Variants in CUL1 observed in about 807,000 individuals in gnomAD.
The protein encoded by CUL1 is cullin 1.
A neutral mutation model predicts 118.0 loss-of-function variants in CUL1; 24 were observed. The ratio of observed to expected loss-of-function variants is 0.20; its 90% confidence interval spans 0.15 to 0.29. The LOEUF is 0.29. Among genes scored for constraint, CUL1 ranks in the 10% least tolerant of loss-of-function variants. The pLI, the probability that CUL1 is intolerant of heterozygous loss-of-function variation, is 1.00. For synonymous variants in CUL1, 332 were observed against 340.4 expected (o/e 0.98, Z 0.27); for missense variants, 361 against 933.8 (o/e 0.39, Z 7.99).
intron 1 of CUL1, among the ~76,000 whole-genome samples, chr7:148,712,851 C>T (rs950438177): frequency 1.3e-5 from 2 of 152,106 alleles, no homozygotes; most frequent in Non-Finnish European, 2.9e-5. Context: ...TCCATATTAG[C>T]TGTTTGCAAT....
chr7:148,776,989 G>A (rs1800423370), intron 9 of CUL1, among the ~76,000 whole-genome samples: 1 of 152,192 alleles, frequency 6.6e-6, no homozygotes, highest in African/African-American at 2.4e-5. Flanking sequence ...TCTTAGTTCT[G>A]CTTTCAAAGT....
intron 1 of CUL1, among the ~76,000 whole-genome samples, chr7:148,725,495 C>T (rs1038560031): frequency 1.3e-5 from 2 of 152,200 alleles, no homozygotes; most frequent in African/African-American, 4.8e-5. Context: ...TTACAGAGTT[C>T]CCTGCCAGGG....
At chr7:148,721,874 TTG>T in intron 1 of CUL1, among the ~76,000 whole-genome samples, 1 of 152,308 alleles carries the variant, frequency 6.6e-6, no homozygotes, top group East Asian at 1.9e-4. Context: ...CCAGGTTTGT[TTG>T]TGTTTTGCTA....
chr7:148,730,298 G>GT, intron 2 of CUL1, 36 bp downstream of exon 2: 1 of 1,568,642 alleles, frequency 6.4e-7, no homozygotes, highest in Non-Finnish European at 8.7e-7. Flanking sequence ...ATTGCTTAGA[G>GT]TTTTGATTAT....
chr7:148,735,519 G>T (rs1338684008), intron 2 of CUL1, among the ~76,000 whole-genome samples: 2 of 152,202 alleles, frequency 1.3e-5, no homozygotes, highest in East Asian at 1.9e-4. Context: ...AAATTTCAAA[G>T]AACAGCAGAT....
chr7:148,707,497 AAAT>A (rs1156254844), intron 1 of CUL1, among the ~76,000 whole-genome samples: 29 of 152,254 alleles, frequency 1.9e-4, no homozygotes, highest in African/African-American at 5.1e-4. Context: ...TTATTTTTTT[AAAT>A]AATAATTTTT....
rs997127207 is a variant in CUL1 at position 148,792,601 on chromosome 7, T to A, written c.1807-125T>A. The A allele has an allele frequency of 1.0e-5, 6 of 579,406 alleles. No homozygotes were observed. The Admixed American group carries it at 2.1e-4, about 21-fold the overall frequency. 35.9% of individuals were successfully genotyped at this position (579,406 alleles called of 1,614,324 possible). A position where few individuals can be genotyped will look rare whatever the true frequency, so the allele number is the denominator to read the frequency against. ...TTCCCTTTTAAATAGATCTGTGCTT[T>A]TTTTGTACTTGTTTAAAGAATTTGT... On this transcript the variant is annotated intron_variant, in intron 16 of 21. Coordinates refer to ENST00000325222, the MANE Select transcript of CUL1 (RefSeq NM_003592.3).
intron 2 of CUL1, among the ~76,000 whole-genome samples, chr7:148,749,009 T>C (rs1231670935): frequency 6.6e-6 from 1 of 152,220 alleles, no homozygotes; most frequent in Non-Finnish European, 1.5e-5. Context: ...TATAGGTTTT[T>C]CCTATACTTT....
chr7:148,739,990 T>C (rs1166649318), intron 2 of CUL1, among the ~76,000 whole-genome samples: 1 of 152,192 alleles, frequency 6.6e-6, no homozygotes, highest in Admixed American at 6.5e-5. Context: ...CTCAATGGAC[T>C]GTCAACTTCT....
In CUL1 at chr7:148,787,355, G is replaced by A. The variant is rs1404727109; in HGVS notation, c.1479+235G>A. On this transcript the variant is annotated intron_variant, in intron 13 of 21. Coordinates refer to ENST00000325222, the MANE Select transcript of CUL1 (RefSeq NM_003592.3). The surrounding 1 kb of genome is among the most constrained non-coding windows in gnomAD (Gnocchi z 5.5). ...TGGGCGCCTGTAGTCCCAGCTACTTGGGAGGCTGAGGCAGGAGAATGGCAT... is the reference window on the plus strand; with the variant it reads ...TGGGCGCCTGTAGTCCCAGCTACTTAGGAGGCTGAGGCAGGAGAATGGCAT... Among the ~76,000 whole-genome samples, 1 of 152,074 alleles carries A rather than the reference G, an allele frequency of 6.6e-6. No homozygotes were observed. Among genetic ancestry groups the A allele is most frequent in the South Asian group, 2.1e-4 (1 of 4,824 alleles).
At chr7:148,717,192 G>T (rs1019888655) in intron 1 of CUL1, among the ~76,000 whole-genome samples, 1 of 152,078 alleles carries the variant, frequency 6.6e-6, no homozygotes, top group Non-Finnish European at 1.5e-5. Context: ...GGGTAGCTGG[G>T]ATTACAGCCA....
intron 7 of CUL1, among the ~76,000 whole-genome samples, chr7:148,762,642 T>C (rs749874023): frequency 3.0e-4 from 45 of 152,344 alleles, no homozygotes; most frequent in Non-Finnish European, 4.9e-4. Context: ...CTGTATATGG[T>C]GATTCTTTTA....
chr7:148,787,042 G>A lies in CUL1; in HGVS notation c.1401G>A (p.Ala467=), dbSNP rs770017836. 1.1e-5 allele frequency: 17 copies of A among 1,613,514 alleles called. No individual in the cohort carries two copies. Among genetic ancestry groups the A allele is most frequent in the Middle Eastern group, 1.6e-4 (1 of 6,078 alleles). The change falls in exon 13 of 22, where the codon GCG becomes GCA. Residue 467 remains alanine (A), a synonymous_variant. Coordinates refer to ENST00000325222, the MANE Select transcript of CUL1 (RefSeq NM_003592.3). The surrounding 1 kb of genome is among the most constrained non-coding windows in gnomAD (Gnocchi z 5.5). ...EDKDVFQKFY[A]KMLAKRLVHQ... is the part of the protein sequence containing the mutation. Reference sequence around the variant, plus strand: ...AAGACGTATTTCAGAAGTTCTATGCGAAGATGCTCGCCAAGAGGCTCGTCC... The same window carrying A: ...AAGACGTATTTCAGAAGTTCTATGCAAAGATGCTCGCCAAGAGGCTCGTCC...
chr7:148,788,851 G>A (rs1467563637), intron 14 of CUL1, among the ~76,000 whole-genome samples, 177 bp downstream of exon 14: 1 of 152,216 alleles, frequency 6.6e-6, no homozygotes, highest in Non-Finnish European at 1.5e-5. Flanking sequence ...TGTGACATTA[G>A]GAGATGACAA....
rs762321000 is a variant in CUL1 at position 148,792,679 on chromosome 7, T to C, written c.1807-47T>C. 2.9e-6 allele frequency: 4 copies of C among 1,381,714 alleles called. No individual in the cohort carries two copies. The East Asian group carries it at 7.1e-5, about 25-fold the overall frequency. The allele number at this position is 1,381,714 out of a possible 1,614,324, so 85.6% of individuals were successfully genotyped here. A position where few individuals can be genotyped will look rare whatever the true frequency, so the allele number is the denominator to read the frequency against. On this transcript the variant is annotated intron_variant, in intron 16 of 21. Coordinates refer to ENST00000325222, the MANE Select transcript of CUL1 (RefSeq NM_003592.3). ...CTGTATATTTTGGGAGGTGTTTCCA[T>C]GCATGTAAATTTTCCTTCTTTTTCT...
chr7:148,726,160 C>G (rs1395864422), intron 1 of CUL1, among the ~76,000 whole-genome samples: 1 of 152,002 alleles, frequency 6.6e-6, no homozygotes, highest in East Asian at 1.9e-4. Context: ...GAGTAAGATT[C>G]ATAATTGGAA....
At chr7:148,737,528 A>G (rs955066732) in intron 2 of CUL1, among the ~76,000 whole-genome samples, 4 of 150,656 alleles carry the variant, frequency 2.7e-5, no homozygotes, top group Admixed American at 6.6e-5. Context: ...TAATGTTTGA[A>G]GATAGGAAGT....
In CUL1 at chr7:148,708,895, G is replaced by A. The variant is rs756928423; in HGVS notation, c.-162+9866G>A. Among the ~76,000 whole-genome samples, 64 of 152,182 alleles carry A rather than the reference G, an allele frequency of 4.2e-4. 1 individual carries two copies. Among genetic ancestry groups the A allele is most frequent in the Non-Finnish European group, 7.3e-5 (5 of 68,034 alleles). On this transcript the variant is annotated intron_variant, in intron 1 of 21. Coordinates refer to ENST00000325222, the MANE Select transcript of CUL1 (RefSeq NM_003592.3). ...GGTTTTGCCATAATAAATTATAAAT[G>A]TTGGAATTTTTCTATTGATAAGGCT...
intron 1 of CUL1, among the ~76,000 whole-genome samples, chr7:148,716,325 T>TA (rs1321351616): frequency 1.3e-5 from 2 of 152,240 alleles, no homozygotes; most frequent in African/African-American, 4.8e-5. Context: ...GCATAAATGA[T>TA]ACTGGCATGT....
Sources: gnomAD v4.1 joint callset for allele counts (sites outside exome capture counted in the v4.1 genomes callset) on GRCh38, gnomAD v4.1.1 for gene constraint, Gnocchi (gnomAD v3.1) non-coding constraint, MANE v1.5 for transcripts, NCBI Gene and HGNC (gene_info 2026-07-23, HGNC 2026-07-21) for gene names.